Variants in ABCC5 observed in about 807,000 individuals in gnomAD.
The protein encoded by ABCC5 is ATP-binding cassette sub-family C member 5.
A neutral mutation model predicts 160.9 loss-of-function variants in ABCC5; 61 were observed. The ratio of observed to expected loss-of-function variants is 0.38; its 90% confidence interval spans 0.31 to 0.47. ABCC5 has a LOEUF of 0.47. ABCC5 is among the 20% of genes least tolerant of loss of function. The pLI, the probability that ABCC5 is intolerant of heterozygous loss-of-function variation, is 0.99. For synonymous variants in ABCC5, 666 were observed against 700.6 expected, an observed-to-expected ratio of 0.95 and a Z score of 0.78; for missense variants, 1,308 against 1,813.3, an observed-to-expected ratio of 0.72 and a Z score of 5.06.
intron 24 of ABCC5, among the ~76,000 whole-genome samples, chr3:183,945,108 C>G (rs534465623): frequency 1.3e-5 from 2 of 152,214 alleles, no homozygotes; most frequent in African/African-American, 4.8e-5. Context: ...TTTCCTGAGG[C>G]CTCCCAGCCA....
At position 183,982,860 on chromosome 3, in the gene ABCC5, C is replaced by A. The variant is rs369624798; in HGVS notation, c.739G>T (p.Gly247Cys). The A allele has an allele frequency of 1.9e-6, 3 of 1,614,210 alleles. No individual in the cohort carries two copies. The South Asian group carries it at 3.3e-5, about 18-fold the overall frequency. ...ALTWALNYRTGVRLRGAILTM... is the reference protein window; with the variant it reads ...ALTWALNYRTCVRLRGAILTM... ...AGGATGGCCCCCCGCAAGCGGACAC[C>A]GGTTCGGTAATTCAATGCCCAAGTC... is the stretch of plus-strand genomic sequence containing the variant. Residue 247 changes from glycine (G) to cysteine (C), a missense_variant, in exon 6 of 30, where the codon GGT becomes TGT. Around this residue, in one of 3 missense-constraint regions of ABCC5, gnomAD observed 1,142 missense variants for 1,527.1 expected, o/e 0.75. Transcript: ENST00000334444. The surrounding 1 kb of genome is among the most constrained non-coding windows in gnomAD (Gnocchi z 5.2).
At chr3:183,928,678 G>A (rs901420021) in intron 27 of ABCC5, 69 bp downstream of exon 27, 2 of 1,410,466 alleles carry the variant, frequency 1.4e-6, no homozygotes, top group Non-Finnish European at 1.0e-6. Flanking sequence ...CAGACGGGGT[G>A]TGGCAAGGGC....
chr3:183,978,959 C>A (rs551545793), intron 8 of ABCC5, among the ~76,000 whole-genome samples: 1 of 152,242 alleles, frequency 6.6e-6, no homozygotes, highest in East Asian at 1.9e-4. Context: ...CTATAATTGG[C>A]AGTTGTGTTT....
chr3:183,959,516 G>A (rs1051279221), intron 17 of ABCC5, among the ~76,000 whole-genome samples: 1 of 152,134 alleles, frequency 6.6e-6, no homozygotes, highest in African/African-American at 2.4e-5. Flanking sequence ...AGAAGACATG[G>A]GTCTGAAGGT....
intron 27 of ABCC5, 49 bp from the exon 28 acceptor site, chr3:183,927,492 T>C: frequency 6.4e-7 from 1 of 1,565,678 alleles, no homozygotes; most frequent in Admixed American, 1.9e-5. Context: ...CTAAGCTGAA[T>C]TTCCTGAAAA....
intron 2 of ABCC5, among the ~76,000 whole-genome samples, chr3:184,011,054 T>G (rs1264513071): frequency 6.6e-6 from 1 of 151,066 alleles, no homozygotes; most frequent in African/African-American, 2.4e-5. Flanking sequence ...AACTCATTCT[T>G]AATATCTCCC....
At chr3:183,943,059 C>T in intron 24 of ABCC5, 143 bp from the exon 25 acceptor site, 4 of 793,554 alleles carry the variant, frequency 5.0e-6, no homozygotes, top group Non-Finnish European at 7.8e-6. Flanking sequence ...GGAAAGAATC[C>T]CTTGGAAGTA....
Position 183,985,789 on chromosome 3 carries a change from T to C in ABCC5, c.591+1981A>G, listed in dbSNP as rs1576900490. 4 of 238,056 alleles carry C rather than the reference T, an allele frequency of 1.7e-5. No individual in the cohort carries two copies. In the South Asian group the frequency reaches 2.3e-4, roughly 14 times the overall value. The allele number at this position is 238,056 out of a possible 1,614,324, so 14.7% of individuals were successfully genotyped here. ...GGGCACCCTGCACATATAGCGGCAG[T>C]CCCCACCGGCGTCACCAAAACCTTG... On this transcript the variant is annotated intron_variant, in intron 5 of 29. Coordinates refer to ENST00000334444, the MANE Select transcript of ABCC5 (RefSeq NM_005688.4).
At chr3:183,942,381 C>T in intron 25 of ABCC5, 1 of 480,828 alleles carries the variant, frequency 2.1e-6, no homozygotes. Context: ...TGTCAATGAC[C>T]TCATTTTTGT....
At chr3:184,015,432 C>T (rs902892774) in intron 1 of ABCC5, among the ~76,000 whole-genome samples, 7 of 152,130 alleles carry the variant, frequency 4.6e-5, no homozygotes, top group Non-Finnish European at 8.8e-5. Flanking sequence ...GACGTGTAGC[C>T]GTGTCGCCTT....
At chr3:183,989,581 T>C (rs1301610502) in intron 2 of ABCC5, among the ~76,000 whole-genome samples, 198 bp from the exon 3 acceptor site, 1 of 134,286 alleles carries the variant, frequency 7.4e-6, no homozygotes, top group Non-Finnish European at 1.6e-5. Context: ...TTAAAAATTT[T>C]AAACAGTTTT....
intron 24 of ABCC5, 133 bp from the exon 25 acceptor site, chr3:183,943,049 G>A (rs961372397): frequency 2.4e-6 from 2 of 849,212 alleles, no homozygotes; most frequent in Non-Finnish European, 3.6e-6. Context: ...CACCTTGCTA[G>A]GAAAGAATCC....
Position 183,959,978 on chromosome 3 carries a change from C to G in ABCC5, c.2380-143G>C, listed in dbSNP as rs144875574. On this transcript the variant is annotated intron_variant, in intron 16 of 29. Coordinates refer to ENST00000334444, the MANE Select transcript of ABCC5 (RefSeq NM_005688.4). ...ACTTCTTAAAAGGGTCACCTATACT[C>G]ATTTCTTGTACTTCCTCATCTCCTT... is the stretch of plus-strand genomic sequence containing the variant. The G allele has an allele frequency of 8.6e-4, 495 of 575,042 alleles. 4 individuals are homozygous for G. Among genetic ancestry groups the G allele is most frequent in the African/African-American group, 8.1e-3 (430 of 53,004 alleles). The allele number at this position is 575,042 out of a possible 1,614,324, so 35.6% of individuals were successfully genotyped here.
At chr3:183,927,487 C>G in intron 27 of ABCC5, 44 bp from the exon 28 acceptor site, 1 of 1,566,520 alleles carries the variant, frequency 6.4e-7, no homozygotes, top group South Asian at 1.2e-5. Flanking sequence ...AGAAACTAAG[C>G]TGAATTTCCT....
intron 2 of ABCC5, among the ~76,000 whole-genome samples, chr3:184,004,576 T>A (rs55905394): frequency 0.23 from 34,680 of 148,494 alleles, 4,937 homozygotes; most frequent in Middle Eastern, 0.34. Context: ...CCTAACACAA[T>A]GTGTGTTAAA....
intron 17 of ABCC5, among the ~76,000 whole-genome samples, chr3:183,954,569 A>G (rs1225765396): frequency 1.3e-5 from 2 of 152,146 alleles, no homozygotes; most frequent in Admixed American, 6.6e-5. Flanking sequence ...TGATGGTGGG[A>G]TGGAGTTTCG....
chr3:183,929,748 AT>A (rs911177137), intron 26 of ABCC5, among the ~76,000 whole-genome samples: 158 of 149,112 alleles, frequency 1.1e-3, no homozygotes, highest in African/African-American at 3.2e-3. Flanking sequence ...GAGACTAGAA[AT>A]TTTTTTTTTT....
At chr3:183,952,077 G>A in intron 18 of ABCC5, 74 bp from the exon 19 acceptor site, 1 of 1,525,666 alleles carries the variant, frequency 6.6e-7, no homozygotes. Flanking sequence ...GCCATTCTCA[G>A]CTCAAGGGCA....
At position 183,947,451 on chromosome 3, in the gene ABCC5, C is replaced by T. The variant is rs1714949929; in HGVS notation, c.3287G>A (p.Arg1096Gln). 1.9e-6 allele frequency: 3 copies of T among 1,612,168 alleles called. No individual in the cohort carries two copies. Among genetic ancestry groups the T allele is most frequent in the East Asian group, 2.2e-5 (1 of 44,836 alleles). Residue 1096 changes from arginine (R) to glutamine (Q), a missense_variant, in exon 23 of 30, where the codon CGG becomes CAG. By Grantham distance (43) the Arg-to-Gln change is conservative. This residue lies in a region of ABCC5 where 1,142 missense variants were observed against 1,527.1 expected (regional missense o/e 0.75). Coordinates refer to ENST00000334444, the MANE Select transcript of ABCC5 (RefSeq NM_005688.4). ...APFFLFTCAM[R>Q]WLAVRLDLIS... The stretch of plus-strand genomic sequence containing the variant: ...GAGGTCCAGCCGCACAGCCAGCCAC[C>T]GCATCGCACACGTAAACAAAAAAAA...
Sources: allele counts gnomAD v4.1 joint callset (sites outside exome capture counted in the v4.1 genomes callset), GRCh38; gene constraint gnomAD v4.1.1; regional missense constraint gnomAD v4.1.1; non-coding constraint Gnocchi (gnomAD v3.1); transcripts MANE v1.5; gene names NCBI Gene and HGNC (gene_info 2026-07-23, HGNC 2026-07-21).